ARHGEF17: variants seen among roughly 807,000 people sequenced by gnomAD.
The protein encoded by ARHGEF17 is Rho guanine nucleotide exchange factor 17, also known as 164 kDa Rho-specific guanine-nucleotide exchange factor.
Under a neutral mutation model 174.0 loss-of-function variants are expected in ARHGEF17, and 80 were observed. The ratio of observed to expected loss-of-function variants is 0.46; its 90% CI spans 0.38 to 0.55. The LOEUF (loss-of-function observed/expected upper bound fraction) is 0.55. Among genes scored for constraint, ARHGEF17 ranks in the 20% least tolerant of loss-of-function variants. ARHGEF17 has a pLI of 0.00. For missense variants in ARHGEF17, 2,886 were observed against 2,839.7 expected, an observed-to-expected ratio of 1.02 and a Z score of -0.37; for synonymous variants, 1,311 against 1,189.1, an observed-to-expected ratio of 1.10 and a Z score of -2.11.
Position 73,360,489 on chromosome 11 carries a change from G to A in ARHGEF17, c.4376G>A (p.Arg1459His), listed in dbSNP as rs373010335. The A allele has an allele frequency of 4.5e-5, 73 of 1,613,850 alleles. No homozygotes were observed. Among genetic ancestry groups the A allele is most frequent in the South Asian group, 1.3e-4 (12 of 91,094 alleles). ...TTTGAGTTCCCTCACCCTGACGCCC[G>A]CCTTGGTTTTGAACAGGCCTTCGAT... ...YIFEFPHPDA[R>H]LGFEQAFDEA... The change falls in exon 11 of 21, where the codon CGC becomes CAC. Residue 1459 changes from arginine to histidine, a missense_variant. Physicochemically the swap from Arg to His is conservative, Grantham distance 29 (BLOSUM62 0). This residue lies in a region of ARHGEF17 where 476 missense variants were observed against 473.1 expected (regional missense o/e 1.01). Coordinates refer to ENST00000263674, the MANE Select transcript of ARHGEF17 (RefSeq NM_014786.4).
Position 73,309,966 on chromosome 11 carries a change from C to A in ARHGEF17, c.1328C>A (p.Ser443Tyr). Reference protein sequence around the residue: ...RTRAKGPGGTSRALRDGGFEP... With the variant: ...RTRAKGPGGTYRALRDGGFEP... ...CGTGCCAAAGGACCTGGAGGCACCT[C>A]TAGGGCATTGAGGGATGGAGGATTT... is the stretch of plus-strand genomic sequence containing the variant. The change falls in exon 1 of 21, where the codon TCT becomes TAT. Residue 443 changes from serine (S) to tyrosine (Y), a missense_variant. By Grantham distance (144) the Ser-to-Tyr change is moderately radical. Around this residue, in one of 4 missense-constraint regions of ARHGEF17, gnomAD observed 1,728 missense variants for 1,461.2 expected, o/e 1.18. Coordinates refer to ENST00000263674, the MANE Select transcript of ARHGEF17 (RefSeq NM_014786.4). 6.2e-7 allele frequency: 1 copy of A among 1,613,942 alleles called. No individual in the cohort carries two copies.
intron 1 of ARHGEF17, among the ~76,000 whole-genome samples, chr11:73,345,829 G>A (rs990211635): frequency 2.0e-5 from 3 of 152,206 alleles, no homozygotes; most frequent in Non-Finnish European, 2.9e-5. Context: ...TAGGGGCCTT[G>A]CCCAGGATCA....
rs769011649 is a variant in ARHGEF17, at chr11:73,311,317, G to A, written c.2679G>A (p.Leu893=). ...AQSERALPEA[L]PPPATAHRNF... The stretch of plus-strand genomic sequence containing the variant: ...CTGAAAGGGCCCTACCTGAGGCTCT[G>A]CCTCCCCCTGCCACTGCCCACCGAA... The change falls in exon 1 of 21, where the codon CTG becomes CTA. Residue 893 remains leucine, a synonymous_variant. Coordinates refer to ENST00000263674, the MANE Select transcript of ARHGEF17 (RefSeq NM_014786.4). 1.2e-6 allele frequency: 2 copies of A among 1,613,146 alleles called. No homozygotes were observed. Among genetic ancestry groups the A allele is most frequent in the Non-Finnish European group, 1.7e-6 (2 of 1,180,032 alleles).
At chr11:73,313,515 A>G (rs1235215847) in intron 1 of ARHGEF17, among the ~76,000 whole-genome samples, 3 of 152,136 alleles carry the variant, frequency 2.0e-5, no homozygotes, top group Non-Finnish European at 4.4e-5. Flanking sequence ...GTGGGAGTTT[A>G]CAGAACTTCT....
chr11:73,308,644 G>T lies in ARHGEF17; in HGVS notation c.6G>T (p.Ala2=), dbSNP rs1025697396. The part of the protein sequence containing the change: M[A]DGAPRPQLYR... ...CCGGAGTGAGTTACGCCACTATGGCGGACGGGGCACCCCGGCCCCAGCTTT... is the reference window on the plus strand; with the variant it reads ...CCGGAGTGAGTTACGCCACTATGGCTGACGGGGCACCCCGGCCCCAGCTTT... The change falls in exon 1 of 21, where the codon GCG becomes GCT. Residue 2 remains alanine (A), a synonymous_variant. Transcript: ENST00000263674. The T allele has an allele frequency of 2.0e-6, 3 of 1,496,532 alleles. No individual in the cohort carries two copies. Among genetic ancestry groups the T allele is most frequent in the South Asian group, 1.3e-5 (1 of 79,086 alleles). The allele number at this position is 1,496,532 out of a possible 1,614,324, so 92.7% of individuals were successfully genotyped here.
chr11:73,359,517 T>G (rs1278755840), intron 9 of ARHGEF17, among the ~76,000 whole-genome samples: 4 of 152,186 alleles, frequency 2.6e-5, no homozygotes, highest in Non-Finnish European at 5.9e-5. Context: ...GCCGCAGCAG[T>G]TCCGTGTCAG....
intron 13 of ARHGEF17, 28 bp downstream of exon 13, chr11:73,362,267 C>CA (rs1393719558): frequency 6.7e-7 from 1 of 1,483,440 alleles, no homozygotes; most frequent in Non-Finnish European, 8.9e-7. Flanking sequence ...GGGTGGGCGG[C>CA]ACCGCGGGCC....
intron 11 of ARHGEF17, 137 bp downstream of exon 11, chr11:73,360,670 G>T: frequency 5.7e-6 from 5 of 879,282 alleles, no homozygotes; most frequent in South Asian, 1.6e-5. Context: ...GGGGAGGGGG[G>T]CTTCTGCAGT....
At chr11:73,363,541 C>T (rs1363052054) in intron 15 of ARHGEF17, 86 bp downstream of exon 15, 5 of 1,541,368 alleles carry the variant, frequency 3.2e-6, no homozygotes, top group Admixed American at 3.8e-5. Flanking sequence ...GGAGCCAAGG[C>T]AGGAGGGCTT....
chr11:73,314,842 G>A (rs374134341), intron 1 of ARHGEF17, among the ~76,000 whole-genome samples: 3 of 152,058 alleles, frequency 2.0e-5, no homozygotes, highest in Non-Finnish European at 4.4e-5. Context: ...CAGCCTCAAA[G>A]TGCAGAGTCT....
chr11:73,329,371 A>G (rs367871973), intron 1 of ARHGEF17, among the ~76,000 whole-genome samples: 24 of 3,998 alleles, frequency 6.0e-3, no homozygotes, highest in African/African-American at 0.016. Context: ...ATATATATAT[A>G]TATTTTTTTT....
At chr11:73,358,527 G>A (rs986988267) in intron 9 of ARHGEF17, among the ~76,000 whole-genome samples, 20 of 140,948 alleles carry the variant, frequency 1.4e-4, no homozygotes, top group African/African-American at 5.3e-4. Context: ...GCACGATCTC[G>A]GCTCACTGTA....
rs571149767 is a variant in ARHGEF17 at position 73,366,066 on chromosome 11, G to A, written c.5995+119G>A. ...AAAGTGTCACATAGAGCTGGAGGTG[G>A]CATATGTGACAGGAAATACACCACG... On this transcript the variant is annotated intron_variant, in intron 20 of 20. Transcript: ENST00000263674. 115 of 1,334,346 alleles carry A rather than the reference G, an allele frequency of 8.6e-5. No individual in the cohort carries two copies. The Admixed American group carries it at 1.1e-3, about 12-fold the overall frequency. The allele number at this position is 1,334,346 out of a possible 1,614,324, so 82.7% of individuals were successfully genotyped here. A position where few individuals can be genotyped will look rare whatever the true frequency, so the allele number is the denominator to read the frequency against.
intron 1 of ARHGEF17, among the ~76,000 whole-genome samples, chr11:73,341,272 G>A (rs140289577): frequency 8.1e-4 from 123 of 152,314 alleles, no homozygotes; most frequent in African/African-American, 2.9e-3. Flanking sequence ...CCCTAAGGAG[G>A]TGACATTTGC....
intron 1 of ARHGEF17, among the ~76,000 whole-genome samples, chr11:73,326,850 C>T (rs1023639531): frequency 1.3e-5 from 2 of 152,208 alleles, no homozygotes; most frequent in Non-Finnish European, 2.9e-5. Flanking sequence ...TCATGTCTGC[C>T]CCCTGGACCA....
In ARHGEF17 at chr11:73,308,863, C is replaced by T; in HGVS notation, c.225C>T (p.Leu75=). Residue 75 remains leucine (L), a synonymous_variant, in exon 1 of 21, where the codon CTC becomes CTT. Coordinates refer to ENST00000263674, the MANE Select transcript of ARHGEF17 (RefSeq NM_014786.4). ...PLAAPAQPRP[L]RSLSPSVRQL... The stretch of plus-strand genomic sequence containing the variant: ...CCGCCCCCGCGCAGCCGCGCCCGCT[C>T]CGCAGCCTCTCGCCGTCGGTTCGCC... 7.4e-7 allele frequency: 1 copy of T among 1,353,626 alleles called. No homozygotes were observed. The highest frequency in any genetic ancestry group is 9.4e-7 in the Non-Finnish European group (1 of 1,059,986). The allele number at this position is 1,353,626 out of a possible 1,614,324, so 83.9% of individuals were successfully genotyped here. A position where few individuals can be genotyped will look rare whatever the true frequency, so the allele number is the denominator to read the frequency against.
chr11:73,360,845 G>C (rs538621581), intron 11 of ARHGEF17, among the ~76,000 whole-genome samples: 1 of 152,216 alleles, frequency 6.6e-6, no homozygotes, highest in Non-Finnish European at 1.5e-5. Flanking sequence ...CAGGGAAAGC[G>C]ATTGATCAGG....
Position 73,352,914 on chromosome 11 carries a change from G to A in ARHGEF17, c.3355G>A (p.Glu1119Lys), listed in dbSNP as rs1431994510. ...GGACGAGATCTTCGACCAGATCCCC[G>A]AGCTCCTGGAGCACCACGAGCAATT... The part of the protein sequence containing the change: ...LVDEIFDQIP[E>K]LLEHHEQFLE... Residue 1119 changes from glutamate to lysine, a missense_variant, in exon 3 of 21, where the codon GAG becomes AAG. Physicochemically the swap from Glu to Lys is moderately conservative, Grantham distance 56. This residue lies in a region of ARHGEF17 where 353 missense variants were observed against 470.3 expected (regional missense o/e 0.75). Coordinates refer to ENST00000263674, the MANE Select transcript of ARHGEF17 (RefSeq NM_014786.4). The A allele has an allele frequency of 1.9e-6, 3 of 1,613,980 alleles. No individual in the cohort carries two copies. Among genetic ancestry groups the A allele is most frequent in the East Asian group, 2.2e-5 (1 of 44,892 alleles).
intron 1 of ARHGEF17, among the ~76,000 whole-genome samples, chr11:73,334,362 G>A (rs2134402473): frequency 6.6e-6 from 1 of 152,288 alleles, no homozygotes; most frequent in Non-Finnish European, 1.5e-5. Context: ...CAGAGGAGCA[G>A]TCTACACAAA....
Sources: allele counts gnomAD v4.1 joint callset (sites outside exome capture counted in the v4.1 genomes callset), GRCh38; gene constraint gnomAD v4.1.1; regional missense constraint gnomAD v4.1.1; transcripts MANE v1.5; gene names NCBI Gene and HGNC (gene_info 2026-07-23, HGNC 2026-07-21).